Variants in ZNF791 observed in about 807,000 individuals in gnomAD.
The protein encoded by ZNF791 is zinc finger protein 791.
A neutral mutation model predicts 11.5 loss-of-function variants in ZNF791; 4 were observed. The observed-to-expected ratio is 0.35, with a 90% CI of 0.17 to 0.80. The LOEUF (loss-of-function observed/expected upper bound fraction) is 0.80, where lower values mean the gene tolerates loss of function less well. Among genes scored for constraint, ZNF791 ranks in the 30% least tolerant of loss-of-function variants. The pLI is 0.53. For synonymous variants in ZNF791, 212 were observed against 228.1 expected (o/e 0.93, Z 0.64); for missense variants, 559 against 699.4 (o/e 0.80, Z 2.26).
At chr19:12,622,552 G>A (rs1465586817) in intron 1 of ZNF791, among the ~76,000 whole-genome samples, 3 of 151,974 alleles carry the variant, frequency 2.0e-5, no homozygotes, top group East Asian at 1.9e-4. Flanking sequence ...GGGAGGCCGG[G>A]GCAGGAGGAT....
Position 12,628,647 on chromosome 19 carries a change from T to C in ZNF791, c.1118T>C (p.Ile373Thr), listed in dbSNP as rs1421202719. 3.7e-6 allele frequency: 6 copies of C among 1,605,144 alleles called. No homozygotes were observed. Among genetic ancestry groups the C allele is most frequent in the Non-Finnish European group, 5.1e-6 (6 of 1,176,418 alleles). The change falls in exon 4 of 4, where the codon ATA becomes ACA. Residue 373 changes from isoleucine (I) to threonine (T), a missense_variant. Ile to Thr is a moderately conservative substitution (Grantham distance 89, BLOSUM62 -1). Coordinates refer to ENST00000343325, the MANE Select transcript of ZNF791 (RefSeq NM_153358.3). ...KAFSRISYFR[I>T]HERTHTGEKP... is the part of the protein sequence containing the mutation. ...TTTAGTAGAATCAGTTACTTTCGAA[T>C]ACATGAAAGGACTCACACTGGAGAG...
intron 1 of ZNF791, among the ~76,000 whole-genome samples, chr19:12,620,754 C>CTTTTTTTTTTTTTTTTTTTTTTTTTTT (rs1051381342): frequency 3.6e-5 from 3 of 83,452 alleles, no homozygotes; most frequent in African/African-American, 1.1e-4. Flanking sequence ...GATTTATGTT[C>CTTTTTTTTTTTTTTTTTTTTTTTTTTT]TTTTTTTTTT....
intron 3 of ZNF791, among the ~76,000 whole-genome samples, chr19:12,627,112 T>G (rs2023441148): frequency 1.4e-5 from 2 of 146,808 alleles, no homozygotes; most frequent in South Asian, 4.3e-4. Flanking sequence ...GCCCGGGAGG[T>G]CAAGGCTGCA....
At chr19:12,623,871 G>GGA in intron 2 of ZNF791, 45 bp downstream of exon 2, 1 of 811,852 alleles carries the variant, frequency 1.2e-6, no homozygotes, top group Non-Finnish European at 1.8e-6. Context: ...TTTTTTTTTT[G>GGA]GGGGGGGACA....
At chr19:12,624,750 G>C in intron 3 of ZNF791, 40 bp downstream of exon 3, 1 of 1,535,016 alleles carries the variant, frequency 6.5e-7, no homozygotes. Flanking sequence ...TTCCTTGAAA[G>C]AATCTTAAAA....
Position 12,629,088 on chromosome 19 carries a change from G to C in ZNF791, c.1559G>C (p.Gly520Ala), listed in dbSNP as rs1455830015. The change falls in exon 4 of 4, where the codon GGA becomes GCA. Residue 520 changes from glycine to alanine, a missense_variant. By Grantham distance (60) the Gly-to-Ala change is moderately conservative. Transcript: ENST00000343325. Reference protein sequence around the residue: ...SFQGHMRMHTGEKPYKCKECG... With the variant: ...SFQGHMRMHTAEKPYKCKECG... The stretch of plus-strand genomic sequence containing the variant: ...CAAGGACACATGAGAATGCATACTG[G>C]AGAGAAACCCTATAAATGTAAAGAA... 1 of 1,607,988 alleles carries C rather than the reference G, an allele frequency of 6.2e-7. No homozygotes were observed.
chr19:12,618,831 G>A (rs999097913), intron 1 of ZNF791, among the ~76,000 whole-genome samples: 1 of 151,084 alleles, frequency 6.6e-6, no homozygotes. Flanking sequence ...GTGTGTGTGT[G>A]TGTGTGTGTG....
intron 1 of ZNF791, among the ~76,000 whole-genome samples, chr19:12,618,995 G>A (rs919598201): frequency 2.6e-5 from 4 of 151,296 alleles, no homozygotes; most frequent in Non-Finnish European, 4.4e-5. Context: ...CTACAGGCAT[G>A]AGCCACCATG....
intron 1 of ZNF791, among the ~76,000 whole-genome samples, chr19:12,619,472 C>CG (rs2023300611): frequency 9.4e-6 from 1 of 106,606 alleles, no homozygotes; most frequent in African/African-American, 3.7e-5. Context: ...TTTTTTGAGA[C>CG]GGAGTCTCGA....
chr19:12,631,058 G>A lies in ZNF791; in HGVS notation c.*1798G>A, dbSNP rs934768716. On this transcript the variant is annotated 3_prime_UTR_variant, in exon 4 of 4. Transcript: ENST00000343325. The stretch of plus-strand genomic sequence containing the variant: ...TCACCACTCAACTGACTCACCCAGA[G>A]CAACTTCTAGTCCTGCAAGCTATGT... 3.9e-5 allele frequency: 6 copies of A among 152,200 alleles called. No homozygotes were observed. The highest frequency in any genetic ancestry group is 7.3e-5 in the Non-Finnish European group (5 of 68,054). The allele number at this position is 152,200 out of a possible 1,614,324, so 9.4% of individuals were successfully genotyped here.
At chr19:12,622,158 G>T (rs2023360008) in intron 1 of ZNF791, among the ~76,000 whole-genome samples, 1 of 131,916 alleles carries the variant, frequency 7.6e-6, no homozygotes, top group African/African-American at 2.7e-5. Flanking sequence ...AAGGCAGCAT[G>T]CTCGTTAAGA....
Position 12,629,166 on chromosome 19 carries a change from A to C in ZNF791, c.1637A>C (p.His546Pro). 1 of 1,594,828 alleles carries C rather than the reference A, an allele frequency of 6.3e-7. No homozygotes were observed. The highest frequency in any genetic ancestry group is 8.5e-7 in the Non-Finnish European group (1 of 1,172,658). Reference sequence around the variant, plus strand: ...TCCTTTCAAAGACATACAAGAATTCACAATTATGAGAAACCTCTTGAATGT... The same window carrying C: ...TCCTTTCAAAGACATACAAGAATTCCCAATTATGAGAAACCTCTTGAATGT... Reference protein sequence around the residue: ...HSSFQRHTRIHNYEKPLECKQ... With the variant: ...HSSFQRHTRIPNYEKPLECKQ... Residue 546 changes from histidine to proline, a missense_variant, in exon 4 of 4, where the codon CAC (histidine) becomes CCC (proline). By Grantham distance (77) the His-to-Pro change is moderately conservative (BLOSUM62 -2). Coordinates refer to ENST00000343325, the MANE Select transcript of ZNF791 (RefSeq NM_153358.3).
chr19:12,615,908 T>C (rs546207072), intron 1 of ZNF791, among the ~76,000 whole-genome samples: 20 of 152,322 alleles, frequency 1.3e-4, no homozygotes, highest in Non-Finnish European at 2.8e-4. Context: ...GGGCAGGTTT[T>C]TGTATGAACA....
Position 12,630,756 on chromosome 19 carries a change from CTTAG to C in ZNF791, c.*1502_*1505del, listed in dbSNP as rs964549190. The C allele has an allele frequency of 7.9e-5, 12 of 151,948 alleles. No individual in the cohort carries two copies. Among genetic ancestry groups the C allele is most frequent in the East Asian group, 1.9e-4 (1 of 5,192 alleles). 9.4% of individuals were successfully genotyped at this position (151,948 alleles called of 1,614,324 possible). A position where few individuals can be genotyped will look rare whatever the true frequency, so the allele number is the denominator to read the frequency against. ...GTCCTACACTAATGTGTGTTTGTGT[CTTAG>C]TTAGTCTTTAACAAAAATAGTTTAA... On this transcript the variant is annotated 3_prime_UTR_variant, in exon 4 of 4. Coordinates refer to ENST00000343325, the MANE Select transcript of ZNF791 (RefSeq NM_153358.3).
rs1426257264 is a variant in ZNF791 at position 12,628,870 on chromosome 19, G to A, written c.1341G>A (p.Lys447=). The A allele has an allele frequency of 1.9e-6, 3 of 1,609,614 alleles. No individual in the cohort carries two copies. In the African/African-American group the frequency reaches 4.1e-5, roughly 22 times the overall value. Reference sequence around the variant, plus strand: ...CTTATAAATGTAGGGACTGTGGGAAGGTGTTCATTTTTCCTAGTGCGTTAC... The same window carrying A: ...CTTATAAATGTAGGGACTGTGGGAAAGTGTTCATTTTTCCTAGTGCGTTAC... ...DGPYKCRDCG[K]VFIFPSALRT... Residue 447 remains lysine, a synonymous_variant, in exon 4 of 4, where the codon AAG becomes AAA. Coordinates refer to ENST00000343325, the MANE Select transcript of ZNF791 (RefSeq NM_153358.3).
In ZNF791 at chr19:12,628,864, T is replaced by C; in HGVS notation, c.1335T>C (p.Cys445=). 1 of 1,613,660 alleles carries C rather than the reference T, an allele frequency of 6.2e-7. No homozygotes were observed. Among genetic ancestry groups the C allele is most frequent in the Non-Finnish European group, 8.5e-7 (1 of 1,179,886 alleles). ...TGDGPYKCRD[C]GKVFIFPSAL... ...ACGGACCTTATAAATGTAGGGACTGTGGGAAGGTGTTCATTTTTCCTAGTG... is the reference window on the plus strand; with the variant it reads ...ACGGACCTTATAAATGTAGGGACTGCGGGAAGGTGTTCATTTTTCCTAGTG... Residue 445 remains cysteine, a synonymous_variant, in exon 4 of 4, where the codon TGT becomes TGC. Transcript: ENST00000343325.
chr19:12,621,851 G>C (rs375795881), intron 1 of ZNF791, among the ~76,000 whole-genome samples: 3 of 136,438 alleles, frequency 2.2e-5, no homozygotes, highest in Non-Finnish European at 3.2e-5. Flanking sequence ...CCGTCTGGGA[G>C]GTGTGCCTAA....
chr19:12,623,536 G>A lies in ZNF791; in HGVS notation c.4-164G>A, dbSNP rs2023383344. The stretch of plus-strand genomic sequence containing the variant: ...GACTTACAGTGACCACAGTGAAGAT[G>A]TAGCTATAAGTTTATGTGTTCAATG... On this transcript the variant is annotated intron_variant, in intron 1 of 3. Transcript: ENST00000343325. The A allele has an allele frequency of 2.1e-5, 17 of 793,274 alleles. No homozygotes were observed. In the South Asian group the frequency reaches 2.4e-4, roughly 11 times the overall value. The allele number at this position is 793,274 out of a possible 1,614,324, so 49.1% of individuals were successfully genotyped here.
At position 12,624,715 on chromosome 19, in the gene ZNF791, G is replaced by C; in HGVS notation, c.191+5G>C. The stretch of plus-strand genomic sequence containing the variant: ...AAACCAAGGACGAAATCTAAGGTGA[G>C]TTGCACTCACAAGAAGTAACAGTGT... On this transcript the variant is annotated splice_donor_5th_base_variant and intron_variant, in intron 3 of 3. Coordinates refer to ENST00000343325, the MANE Select transcript of ZNF791 (RefSeq NM_153358.3). The C allele has an allele frequency of 6.2e-7, 1 of 1,602,654 alleles. No homozygotes were observed. Among genetic ancestry groups the C allele is most frequent in the Non-Finnish European group, 8.5e-7 (1 of 1,174,112 alleles).
Sources: gnomAD v4.1 joint callset for allele counts (sites outside exome capture counted in the v4.1 genomes callset) on GRCh38, gnomAD v4.1.1 for gene constraint, MANE v1.5 for transcripts, NCBI Gene and HGNC (gene_info 2026-07-23, HGNC 2026-07-21) for gene names.